The following HDAC2 variants were observed in gnomAD, a reference collection of about 807,000 sequenced individuals.
HDAC2 encodes the protein YY1-associated factor 1.
In HDAC2, 5 loss-of-function variants were observed where a neutral mutation model predicts 68.5. The ratio of observed to expected loss-of-function variants is 0.07; its 90% CI spans 0.04 to 0.15. HDAC2 has a LOEUF of 0.15. Among genes scored for constraint, HDAC2 ranks in the 10% least tolerant of loss-of-function variants. The pLI is 1.00. For synonymous variants in HDAC2, 182 were observed against 191.3 expected (o/e 0.95, Z 0.40); for missense variants, 291 against 600.8 (o/e 0.48, Z 5.39).
Position 113,945,387 on chromosome 6 carries a change from T to A in HDAC2, c.1066A>T (p.Thr356Ser), listed in dbSNP as rs1776245250. ...ISPSNMTNQN[T>S]PEYMEKIKQR... ...TTTATCTTTTCCATATATTCTGGAG[T>A]GTTCTGGTTTGTCATGTTTGAAGGA... Residue 356 changes from threonine to serine, a missense_variant, in exon 10 of 14, where the codon ACT becomes TCT. Around this residue, in one of 2 missense-constraint regions of HDAC2, gnomAD observed 154 missense variants for 472.1 expected, o/e 0.33. Transcript: ENST00000519065. The A allele has an allele frequency of 1.3e-6, 2 of 1,481,770 alleles. No homozygotes were observed. The highest frequency in any genetic ancestry group is 2.8e-5 in the African/African-American group (2 of 72,182). The allele number at this position is 1,481,770 out of a possible 1,614,324, so 91.8% of individuals were successfully genotyped here.
chr6:113,954,392 TA>T (rs371573824), intron 5 of HDAC2, among the ~76,000 whole-genome samples: 2 of 151,964 alleles, frequency 1.3e-5, no homozygotes, highest in Non-Finnish European at 2.9e-5. Flanking sequence ...TTCACAAAAT[TA>T]AAAAAACAGA....
intron 1 of HDAC2, among the ~76,000 whole-genome samples, chr6:113,965,682 T>G (rs1400224122): frequency 2.0e-5 from 3 of 152,266 alleles, no homozygotes; most frequent in Middle Eastern, 3.4e-3. Context: ...CCTCTCTTAC[T>G]TTATACCTGC....
chr6:113,964,112 T>C (rs1013912809), intron 1 of HDAC2, among the ~76,000 whole-genome samples: 4 of 152,074 alleles, frequency 2.6e-5, no homozygotes, highest in Admixed American at 6.6e-5. Context: ...GGAATAAAGA[T>C]CATAAATAGC....
intron 3 of HDAC2, chr6:113,958,378 C>G: frequency 3.7e-6 from 1 of 270,626 alleles, no homozygotes; most frequent in Non-Finnish European, 6.9e-6. Context: ...AGTGAGGTCT[C>G]CCTACCAATA....
intron 1 of HDAC2, among the ~76,000 whole-genome samples, chr6:113,960,231 C>T (rs1437056719): frequency 2.0e-5 from 3 of 152,038 alleles, no homozygotes; most frequent in Admixed American, 1.3e-4. Context: ...CATTATTACA[C>T]ATTATATTTA....
chr6:113,945,954 G>T, intron 9 of HDAC2, 54 bp downstream of exon 9: 2 of 1,360,730 alleles, frequency 1.5e-6, no homozygotes, highest in Non-Finnish European at 2.1e-6. Context: ...ATAATTAGAG[G>T]AGCATCTGTA....
chr6:113,971,047 T>G lies in HDAC2; in HGVS notation c.-139A>C. 6.4e-7 allele frequency: 1 copy of G among 1,565,956 alleles called. No individual in the cohort carries two copies. Among genetic ancestry groups the G allele is most frequent in the Non-Finnish European group, 8.7e-7 (1 of 1,154,992 alleles). Reference sequence around the variant, plus strand: ...AGTCCCGCGGGGAAGGGCAGGCCGGTGGGAGGAGAGGAGGGGGCGCCGGGA... The same window carrying G: ...AGTCCCGCGGGGAAGGGCAGGCCGGGGGGAGGAGAGGAGGGGGCGCCGGGA... On this transcript the variant is annotated 5_prime_UTR_variant, in exon 1 of 14. Coordinates refer to ENST00000519065, the MANE Select transcript of HDAC2 (RefSeq NM_001527.4).
chr6:113,947,844 AT>A (rs1300001765), intron 8 of HDAC2: 1 of 152,160 alleles, frequency 6.6e-6, no homozygotes, highest in Non-Finnish European at 1.5e-5. Context: ...AGCTTTTAAT[AT>A]CTGTATTTAG....
chr6:113,951,775 G>T (rs1374635622), intron 6 of HDAC2, among the ~76,000 whole-genome samples: 1 of 152,268 alleles, frequency 6.6e-6, no homozygotes, highest in East Asian at 1.9e-4. Context: ...CCCAGCGATT[G>T]TAAAATCTTA....
chr6:113,933,934 C>T lies in HDAC2; in HGVS notation c.*7124G>A, dbSNP rs192388242. 1.3e-4 allele frequency: 19 copies of T among 151,930 alleles called. No homozygotes were observed. The highest frequency in any genetic ancestry group is 5.8e-4 in the East Asian group (3 of 5,164). 9.4% of individuals were successfully genotyped at this position (151,930 alleles called of 1,614,324 possible). On this transcript the variant is annotated 3_prime_UTR_variant, in exon 14 of 14. Transcript: ENST00000519065. ...TTCAAATTAGTATAGTTCCTGTCTC[C>T]TGACTGAACGCTGATGCAGGGAAAC... is the stretch of plus-strand genomic sequence containing the variant.
chr6:113,970,363 G>T (rs1776955178), intron 1 of HDAC2: 1 of 684,976 alleles, frequency 1.5e-6, no homozygotes, highest in African/African-American at 1.9e-5. Context: ...GAAGGGGACG[G>T]GAGGGGCGGA....
intron 1 of HDAC2, among the ~76,000 whole-genome samples, chr6:113,961,938 T>A (rs1391832367): frequency 6.6e-6 from 1 of 152,182 alleles, no homozygotes; most frequent in African/African-American, 2.4e-5. Flanking sequence ...TGCCTCTGTG[T>A]AACAATTACC....
intron 13 of HDAC2, 22 bp from the exon 14 acceptor site, chr6:113,941,110 A>G (rs1776121695): frequency 6.2e-7 from 1 of 1,600,020 alleles, no homozygotes; most frequent in South Asian, 1.1e-5. Context: ...GGCAATGTGA[A>G]ATATTAAAAA....
chr6:113,950,624 G>T lies in HDAC2; in HGVS notation c.640-1364C>A, dbSNP rs552466871. ...TTGGTCAGGCTGGTCTCGAACTCTC[G>T]ACCTCAGGTAATCCACTCGCCTCAG... On this transcript the variant is annotated intron_variant, in intron 6 of 13. Transcript: ENST00000519065. 4.1e-5 allele frequency among the ~76,000 whole-genome samples: 6 copies of T among 146,812 alleles called. No homozygotes were observed. The East Asian group carries it at 1.0e-3, about 25-fold the overall frequency.
At position 113,953,829 on chromosome 6, in the gene HDAC2, C is replaced by T. The variant is rs560753706; in HGVS notation, c.498-411G>A. On this transcript the variant is annotated intron_variant, in intron 5 of 13. Transcript: ENST00000519065. ...AAATTTGGCCAATTGCCTCTTTTTT[C>T]AGCTTTGAACTAAGAAGTTTTTATT... 5.9e-5 allele frequency among the ~76,000 whole-genome samples: 9 copies of T among 152,294 alleles called. No homozygotes were observed. The South Asian group carries it at 1.9e-3, about 32-fold the overall frequency.
rs765270881 is a variant in HDAC2, at chr6:113,937,142, T to G, written c.*3916A>C. 6.6e-6 allele frequency: 1 copy of G among 152,222 alleles called. No homozygotes were observed. The highest frequency in any genetic ancestry group is 1.5e-5 in the Non-Finnish European group (1 of 68,028). 9.4% of individuals were successfully genotyped at this position (152,222 alleles called of 1,614,324 possible). A position where few individuals can be genotyped will look rare whatever the true frequency, so the allele number is the denominator to read the frequency against. On this transcript the variant is annotated 3_prime_UTR_variant, in exon 14 of 14. Coordinates refer to ENST00000519065, the MANE Select transcript of HDAC2 (RefSeq NM_001527.4). The stretch of plus-strand genomic sequence containing the variant: ...GAGGCACAGAGGTTAGTAATTTTCC[T>G]AAGATTATGGTGGAGATCCTAAGCT...
chr6:113,970,695 G>A lies in HDAC2; in HGVS notation c.52+162C>T, dbSNP rs2114629511. ...CCGCGGGGGCTGCGCCAGGAAGAGG[G>A]TCTCGTTCTAACTGTGCCGGGCCGG... On this transcript the variant is annotated intron_variant, in intron 1 of 13. Transcript: ENST00000519065. 9.5e-6 allele frequency: 13 copies of A among 1,369,042 alleles called. No homozygotes were observed. The South Asian group carries it at 1.7e-4, about 18-fold the overall frequency. The allele number at this position is 1,369,042 out of a possible 1,614,324, so 84.8% of individuals were successfully genotyped here.
At position 113,941,715 on chromosome 6, in the gene HDAC2, T is replaced by C. The variant is rs747304841; in HGVS notation, c.1429A>G (p.Thr477Ala). 21 of 1,386,546 alleles carry C rather than the reference T, an allele frequency of 1.5e-5. No homozygotes were observed. Among genetic ancestry groups the C allele is most frequent in the Non-Finnish European group, 2.0e-5 (20 of 1,003,898 alleles). The allele number at this position is 1,386,546 out of a possible 1,614,324, so 85.9% of individuals were successfully genotyped here. A position where few individuals can be genotyped will look rare whatever the true frequency, so the allele number is the denominator to read the frequency against. ...SKDNSGEKTD[T>A]KGTKSEQLSN... The stretch of plus-strand genomic sequence containing the variant: ...ATAAGGAACATCATTTACCCTTTGG[T>C]ATCTGTTTTTTCACCACTGTTGTCC... Residue 477 changes from threonine to alanine, a missense_variant, in exon 13 of 14, where the codon ACC becomes GCC. By Grantham distance (58) the Thr-to-Ala change is moderately conservative. Around this residue, in one of 2 missense-constraint regions of HDAC2, gnomAD observed 137 missense variants for 128.7 expected, o/e 1.06. Coordinates refer to ENST00000519065, the MANE Select transcript of HDAC2 (RefSeq NM_001527.4).
chr6:113,970,423 T>A, intron 1 of HDAC2: 3 of 1,015,356 alleles, frequency 3.0e-6, no homozygotes, highest in Non-Finnish European at 3.5e-6. Flanking sequence ...GGATAGAAAT[T>A]TTGCCTCGCG....
Sources: gnomAD v4.1 joint callset for allele counts (sites outside exome capture counted in the v4.1 genomes callset) on GRCh38, gnomAD v4.1.1 for gene constraint, gnomAD v4.1.1 regional missense constraint, MANE v1.5 for transcripts, NCBI Gene and HGNC (gene_info 2026-07-23, HGNC 2026-07-21) for gene names.